The following RBFOX1 variants were observed in gnomAD, a reference collection of about 807,000 sequenced individuals.
RBFOX1 encodes RNA binding fox-1 homolog 1.
Under a neutral mutation model 57.7 loss-of-function variants are expected in RBFOX1, and 8 were observed. That is an observed-to-expected ratio of 0.14 (90% CI 0.08 to 0.25). The LOEUF is 0.25. Among genes scored for constraint, RBFOX1 ranks in the 10% least tolerant of loss-of-function variants. RBFOX1 has a pLI of 1.00. For missense variants in RBFOX1, 611 were observed against 548.5 expected, an observed-to-expected ratio of 1.11 and a Z score of -1.14; for synonymous variants, 326 against 222.4, an observed-to-expected ratio of 1.47 and a Z score of -4.15.
intron 1 of RBFOX1, among the ~76,000 whole-genome samples, chr16:5,431,798 C>G (rs2067745090): frequency 6.6e-6 from 1 of 152,212 alleles, no homozygotes; most frequent in Admixed American, 6.5e-5. Context: ...AGCCTGGCCT[C>G]TAAGTCCCTC....
At chr16:7,706,648 TAAC>T (rs1055649369) in intron 14 of RBFOX1, among the ~76,000 whole-genome samples, 2 of 152,210 alleles carry the variant, frequency 1.3e-5, no homozygotes, top group African/African-American at 4.8e-5. Flanking sequence ...TAACATCACT[TAAC>T]AAACTCTCAA....
At position 7,161,377 on chromosome 16, in the gene RBFOX1, C is replaced by G. The variant is rs2078289368; in HGVS notation, c.27+109279C>G. ...CTTTAAAATGGATAACAAAATTCATCATATATTTGCTAAATACACATTATA... is the reference window on the plus strand; with the variant it reads ...CTTTAAAATGGATAACAAAATTCATGATATATTTGCTAAATACACATTATA... On this transcript the variant is annotated intron_variant, in intron 4 of 15. Transcript: ENST00000550418. Among the ~76,000 whole-genome samples, 3 of 152,198 alleles carry G rather than the reference C, an allele frequency of 2.0e-5. No individual in the cohort carries two copies. The South Asian group carries it at 6.2e-4, about 32-fold the overall frequency.
chr16:6,550,628 C>T (rs1031936573), intron 2 of RBFOX1, among the ~76,000 whole-genome samples: 1 of 152,218 alleles, frequency 6.6e-6, no homozygotes, highest in Non-Finnish European at 1.5e-5. Context: ...GCCCAGCCTT[C>T]ATGGCACACT....
At chr16:6,665,269 C>G (rs1386670213) in intron 3 of RBFOX1, among the ~76,000 whole-genome samples, 1 of 152,082 alleles carries the variant, frequency 6.6e-6, no homozygotes, top group Non-Finnish European at 1.5e-5. Context: ...CTTCCCTCAG[C>G]CACCCCAGCA....
chr16:6,635,596 G>T (rs895946112), intron 2 of RBFOX1, among the ~76,000 whole-genome samples: 1 of 152,136 alleles, frequency 6.6e-6, no homozygotes, highest in African/African-American at 2.4e-5. Context: ...GGAGCATAGG[G>T]TCTGGGAGGA....
At chr16:7,516,769 T>C (rs2076448494) in intron 4 of RBFOX1, among the ~76,000 whole-genome samples, 1 of 152,204 alleles carries the variant, frequency 6.6e-6, no homozygotes, top group Admixed American at 6.5e-5. Context: ...GTGTCATCTT[T>C]AACATTCTAA....
At position 7,436,483 on chromosome 16, in the gene RBFOX1, C is replaced by T. The variant is rs532154378; in HGVS notation, c.28-81664C>T. Among the ~76,000 whole-genome samples, 3 of 152,338 alleles carry T rather than the reference C, an allele frequency of 2.0e-5. No homozygotes were observed. The South Asian group carries it at 6.2e-4, about 32-fold the overall frequency. On this transcript the variant is annotated intron_variant, in intron 4 of 15. Transcript: ENST00000550418. The stretch of plus-strand genomic sequence containing the variant: ...GTCAAACACAGGTGGAGACATGTGT[C>T]TTCACAACCCAGTGCAACAGCATGG...
chr16:5,546,294 T>C (rs1471048315), intron 2 of RBFOX1, among the ~76,000 whole-genome samples: 1 of 152,112 alleles, frequency 6.6e-6, no homozygotes, highest in Admixed American at 6.5e-5. Context: ...CATCTAGGCT[T>C]TTTTGCGGGG....
chr16:6,462,653 G>T (rs993846177), intron 2 of RBFOX1, among the ~76,000 whole-genome samples: 3 of 152,004 alleles, frequency 2.0e-5, no homozygotes, highest in Non-Finnish European at 4.4e-5. Flanking sequence ...ATTAGTAAAA[G>T]CTCACCAATT....
intron 2 of RBFOX1, among the ~76,000 whole-genome samples, chr16:6,560,174 C>CAAAAAAAAA (rs5815323): frequency 8.2e-6 from 1 of 121,496 alleles, no homozygotes. Context: ...TGCCATTTAT[C>CAAAAAAAAA]AAAAAAAAAA....
At position 7,329,838 on chromosome 16, in the gene RBFOX1, G is replaced by T. The variant is rs8052016; in HGVS notation, c.28-188309G>T. Among the ~76,000 whole-genome samples the T allele has an allele frequency of 4.6e-3, 699 of 152,134 alleles. 6 individuals are homozygous for T. The highest frequency in any genetic ancestry group is 5.8e-3 in the Non-Finnish European group (396 of 68,016). On this transcript the variant is annotated intron_variant, in intron 4 of 15. Coordinates refer to ENST00000550418, the MANE Select transcript of RBFOX1 (RefSeq NM_018723.4). ...AAACAGAAAATATCCCCGGCACAAG[G>T]TATAACTATATATCTCTATCCTGTA... is the stretch of plus-strand genomic sequence containing the variant.
chr16:5,543,982 C>G (rs532958248), intron 2 of RBFOX1, among the ~76,000 whole-genome samples: 3 of 152,254 alleles, frequency 2.0e-5, no homozygotes, highest in Admixed American at 2.0e-4. Flanking sequence ...TATGATTGAA[C>G]GTCAATACAC....
intron 4 of RBFOX1, among the ~76,000 whole-genome samples, chr16:7,203,014 C>A (rs139822261): frequency 1.3e-5 from 2 of 152,106 alleles, no homozygotes; most frequent in Non-Finnish European, 2.9e-5. Context: ...TCTGGATCTC[C>A]TGACCTCGTG....
At chr16:6,886,360 C>A (rs1264113612) in intron 3 of RBFOX1, among the ~76,000 whole-genome samples, 2 of 152,054 alleles carry the variant, frequency 1.3e-5, no homozygotes, top group African/African-American at 4.8e-5. Context: ...CTGCGCCCGG[C>A]CCAGTGAAGC....
At chr16:6,823,355 C>A (rs1348506259) in intron 3 of RBFOX1, among the ~76,000 whole-genome samples, 2 of 151,838 alleles carry the variant, frequency 1.3e-5, no homozygotes, top group Non-Finnish European at 2.9e-5. Flanking sequence ...CTCTTGGATT[C>A]AAGTGATTCT....
At chr16:7,699,603 T>A (rs139580893) in intron 14 of RBFOX1, among the ~76,000 whole-genome samples, 1 of 152,320 alleles carries the variant, frequency 6.6e-6, no homozygotes, top group African/African-American at 2.4e-5. Context: ...CAGGATGAGT[T>A]GTAAGTAAAA....
intron 4 of RBFOX1, among the ~76,000 whole-genome samples, chr16:7,224,405 C>T (rs147648993): frequency 1.4e-3 from 211 of 152,278 alleles, no homozygotes; most frequent in African/African-American, 4.9e-3. Flanking sequence ...GTGGAACTTG[C>T]CATCACCCTT....
intron 3 of RBFOX1, among the ~76,000 whole-genome samples, chr16:6,906,097 GC>G (rs1313600899): frequency 7.0e-6 from 1 of 143,304 alleles, no homozygotes; most frequent in East Asian, 2.0e-4. Flanking sequence ...GGAACGCTTT[GC>G]TTTATCATTA....
intron 3 of RBFOX1, among the ~76,000 whole-genome samples, chr16:7,013,875 C>G (rs978046931): frequency 2.0e-5 from 3 of 152,144 alleles, no homozygotes; most frequent in Non-Finnish European, 4.4e-5. Flanking sequence ...CCAGGTCATT[C>G]TTGAGCTCTT....
Sources: allele counts gnomAD v4.1 joint callset (sites outside exome capture counted in the v4.1 genomes callset), GRCh38; gene constraint gnomAD v4.1.1; transcripts MANE v1.5; gene names NCBI Gene and HGNC (gene_info 2026-07-23, HGNC 2026-07-21).